Variants in SZT2 observed in about 807,000 individuals in gnomAD.
SZT2 encodes the protein KICSTOR complex protein SZT2.
SZT2 carries 216 observed loss-of-function variants against 404.2 expected under a neutral mutation model. That is an observed-to-expected ratio of 0.53 (90% CI 0.48 to 0.60). SZT2 has a LOEUF of 0.60. Ranked by LOEUF, SZT2 falls within the 20% of genes least tolerant of loss-of-function variation. The probability of loss-of-function intolerance (pLI) is 0.00; values close to 1 mark genes in which losing one functional copy is unlikely to be tolerated. For synonymous variants in SZT2, 1,693 were observed against 1,749.9 expected (o/e 0.97, Z 0.81); for missense variants, 3,857 against 4,459.2 (o/e 0.86, Z 3.85).
chr1:43,415,422 G>A (rs1469952701), intron 5 of SZT2, among the ~76,000 whole-genome samples: 1 of 152,184 alleles, frequency 6.6e-6, no homozygotes, highest in African/African-American at 2.4e-5. Flanking sequence ...GGGAAAAAAT[G>A]TGAAATCCAT....
chr1:43,416,526 C>G lies in SZT2; in HGVS notation c.773-9C>G, dbSNP rs1249886464. On this transcript the variant is annotated splice_polypyrimidine_tract_variant and intron_variant, in intron 6 of 71. Coordinates refer to ENST00000634258, the MANE Select transcript of SZT2 (RefSeq NM_001365999.1). ...GTCTCCAGGTCTGATCTGGTGTTTC[C>G]TGCTCCAGGGATTATCGTGATCACG... is the stretch of plus-strand genomic sequence containing the variant. 1.3e-6 allele frequency: 2 copies of G among 1,597,242 alleles called. No homozygotes were observed. Among genetic ancestry groups the G allele is most frequent in the Admixed American group, 1.7e-5 (1 of 59,932 alleles).
At chr1:43,447,287 G>A (rs1655790105) in intron 66 of SZT2, 119 bp downstream of exon 66, 1 of 1,215,926 alleles carries the variant, frequency 8.2e-7, no homozygotes, top group African/African-American at 1.5e-5. Context: ...ATCATCTCAT[G>A]TCACACATAC....
rs1335724698 is a variant in SZT2 at position 43,439,432 on chromosome 1, T to C, written c.6867T>C (p.Thr2289=). Residue 2289 remains threonine (T), a synonymous_variant, in exon 49 of 72, where the codon ACT becomes ACC. Transcript: ENST00000634258. The surrounding 1 kb of genome is among the most constrained non-coding windows in gnomAD (Gnocchi z 4.2). ...YLYNKPGGQG[T]GGKGVACITL... ...ATAACAAGCCTGGTGGACAGGGCAC[T>C]GGGGGCAAAGGTACGGTGCAGGGCA... is the stretch of plus-strand genomic sequence containing the variant. 5.0e-6 allele frequency: 8 copies of C among 1,611,898 alleles called. 1 individual carries two copies. In the South Asian group the frequency reaches 5.5e-5, roughly 11 times the overall value.
At chr1:43,399,655 G>A (rs1006534862) in intron 1 of SZT2, among the ~76,000 whole-genome samples, 1 of 151,934 alleles carries the variant, frequency 6.6e-6, no homozygotes, top group Non-Finnish European at 1.5e-5. Flanking sequence ...TAGAGACGGG[G>A]TTTCGCTGTG....
chr1:43,439,010 C>G lies in SZT2; in HGVS notation c.6709C>G (p.Leu2237Val). 6.2e-7 allele frequency: 1 copy of G among 1,614,236 alleles called. No homozygotes were observed. The highest frequency in any genetic ancestry group is 2.2e-5 in the East Asian group (1 of 44,886). ...PTSCRPWLPA[L>V]AWYLRQNLLI... is the part of the protein sequence containing the mutation. ...CTCCTGCAGGCCCTGGCTTCCAGCC[C>G]TGGCATGGTACCTACGGCAGAACTT... Residue 2237 changes from leucine to valine, a missense_variant, in exon 48 of 72, where the codon CTG (leucine) becomes GTG (valine). Transcript: ENST00000634258. This position sits in a 1 kb window ranked among gnomAD's most constrained non-coding sequence, Gnocchi z 4.2.
rs1457354824 is a variant in SZT2 at position 43,443,348 on chromosome 1, C to T, written c.8500-4C>T. 2.5e-6 allele frequency: 4 copies of T among 1,614,188 alleles called. No homozygotes were observed. The highest frequency in any genetic ancestry group is 3.4e-6 in the Non-Finnish European group (4 of 1,180,020). On this transcript the variant is annotated splice_region_variant and splice_polypyrimidine_tract_variant and intron_variant, in intron 60 of 71. Transcript: ENST00000634258. ...GCTCCATGCTCACTGCCCTGTTTCC[C>T]CAGGCTGGAGAGCTGGAGACCCTGA...
chr1:43,403,388 A>G (rs1343167610), intron 2 of SZT2, 86 bp downstream of exon 2: 2 of 1,531,608 alleles, frequency 1.3e-6, no homozygotes, highest in East Asian at 4.6e-5. Flanking sequence ...ACAGGGTGGG[A>G]GACTAACTCT....
Position 43,404,521 on chromosome 1 carries a change from T to C in SZT2, c.469T>C (p.Ser157Pro). 6.2e-7 allele frequency: 1 copy of C among 1,613,772 alleles called. No homozygotes were observed. Reference protein sequence around the residue: ...PEIYVTIQAYSSIIGLQSHQV... With the variant: ...PEIYVTIQAYPSIIGLQSHQV... The stretch of plus-strand genomic sequence containing the variant: ...GATCTATGTAACTATCCAGGCCTAC[T>C]CCTCCATCATTGGACTGCAGTCCCA... Residue 157 changes from serine to proline, a missense_variant, in exon 4 of 72, where the codon TCC (serine) becomes CCC (proline). Physicochemically the swap from Ser to Pro is moderately conservative, Grantham distance 74. This residue lies in a region of SZT2 where 536 missense variants were observed against 637.4 expected (regional missense o/e 0.84). Transcript: ENST00000634258.
In SZT2 at chr1:43,416,099, C is replaced by T. The variant is rs775100296; in HGVS notation, c.770C>T (p.Ala257Val). 6.3e-7 allele frequency: 1 copy of T among 1,598,130 alleles called. No individual in the cohort carries two copies. The highest frequency in any genetic ancestry group is 2.2e-5 in the East Asian group (1 of 44,858). Residue 257 changes from alanine to valine, a missense_variant and splice_region_variant, in exon 6 of 72, where the codon GCA (alanine) becomes GTA (valine). Ala to Val is a moderately conservative substitution (Grantham distance 64). Around this residue, in one of 7 missense-constraint regions of SZT2, gnomAD observed 536 missense variants for 637.4 expected, o/e 0.84. Coordinates refer to ENST00000634258, the MANE Select transcript of SZT2 (RefSeq NM_001365999.1). ...ALQLLPSNSS[A>V]GIIVITDGVT... ...CAGTTACTACCCTCGAACTCTAGTG[C>T]AGGTCAGTAGAAGGAATATTGGTGG... is the stretch of plus-strand genomic sequence containing the variant.
In SZT2 at chr1:43,441,010, A is replaced by G. The variant is rs1269824670; in HGVS notation, c.7345-204A>G. Among the ~76,000 whole-genome samples the G allele has an allele frequency of 6.6e-6, 1 of 152,190 alleles. No individual in the cohort carries two copies. The highest frequency in any genetic ancestry group is 2.4e-5 in the African/African-American group (1 of 41,436). On this transcript the variant is annotated intron_variant, in intron 52 of 71. Transcript: ENST00000634258. The surrounding 1 kb of genome is among the most constrained non-coding windows in gnomAD (Gnocchi z 4.8). ...TGTCGGATCCTCACAACAGCTTGCA[A>G]GATAAGTAGAGCTTTTACAGTGAGG...
intron 70 of SZT2, chr1:43,449,336 C>T (rs991923196): frequency 1.2e-5 from 2 of 160,812 alleles, no homozygotes; most frequent in African/African-American, 4.8e-5. Flanking sequence ...CAAGAGAAGA[C>T]TTCAAGTGAG....
chr1:43,413,095 T>A (rs964722874), intron 4 of SZT2, among the ~76,000 whole-genome samples: 1 of 152,224 alleles, frequency 6.6e-6, no homozygotes, highest in Non-Finnish European at 1.5e-5. Flanking sequence ...AAGAACAGTT[T>A]GGAGGTTCCT....
intron 1 of SZT2, among the ~76,000 whole-genome samples, chr1:43,398,239 G>C (rs1649236141): frequency 6.6e-6 from 1 of 152,204 alleles, no homozygotes; most frequent in South Asian, 2.1e-4. Flanking sequence ...TAAATGTCCA[G>C]TTTGCCGTGC....
Position 43,432,266 on chromosome 1 carries a change from C to T in SZT2, c.5275-6C>T, listed in dbSNP as rs559579948. 3.9e-6 allele frequency: 6 copies of T among 1,544,050 alleles called. No homozygotes were observed. The Admixed American group carries it at 6.2e-5, about 16-fold the overall frequency. ...CTAAACTGTGATCTTGGCTCCTGCT[C>T]TCTAGGAGTTCCGCCGCCTCCATCT... On this transcript the variant is annotated splice_region_variant and splice_polypyrimidine_tract_variant and intron_variant, in intron 36 of 71. Transcript: ENST00000634258.
Position 43,424,750 on chromosome 1 carries a change from T to C in SZT2, c.2472-34T>C, listed in dbSNP as rs1652937091. 1.9e-6 allele frequency: 3 copies of C among 1,590,470 alleles called. No individual in the cohort carries two copies. Among genetic ancestry groups the C allele is most frequent in the Middle Eastern group, 1.7e-4 (1 of 5,970 alleles). On this transcript the variant is annotated intron_variant, in intron 16 of 71. Coordinates refer to ENST00000634258, the MANE Select transcript of SZT2 (RefSeq NM_001365999.1). This position sits in a 1 kb window ranked among gnomAD's most constrained non-coding sequence, Gnocchi z 4.1. ...AGTCTCAGTGTCTCTTCTTCCCTTA[T>C]CCTGGCCTTGCCCCGGCCTTTATGG...
chr1:43,422,959 G>T, intron 14 of SZT2, 76 bp downstream of exon 14: 1 of 1,500,798 alleles, frequency 6.7e-7, no homozygotes, highest in Non-Finnish European at 9.0e-7. Context: ...AACCCCACAG[G>T]GCCAGGTCTA....
At chr1:43,423,385 G>C in intron 15 of SZT2, 69 bp downstream of exon 15, 1 of 1,424,682 alleles carries the variant, frequency 7.0e-7, no homozygotes, top group Middle Eastern at 2.4e-4. Context: ...GGAGGGCATG[G>C]CTTAGCCCGG....
rs980459888 is a variant in SZT2, at chr1:43,448,641, G to A, written c.9999G>A (p.Trp3333Ter). 14 of 1,614,036 alleles carry A rather than the reference G, an allele frequency of 8.7e-6. No homozygotes were observed. Among genetic ancestry groups the A allele is most frequent in the Non-Finnish European group, 1.2e-5 (14 of 1,180,034 alleles). Residue 3333 changes from tryptophan to a stop codon, truncating the protein, a stop_gained, in exon 70 of 72, where the codon TGG becomes TGA. Transcript: ENST00000634258. LOFTEE classifies it high-confidence loss of function. The surrounding 1 kb of genome is among the most constrained non-coding windows in gnomAD (Gnocchi z 4.2). ...GCTTCCTATCCATGACGGTCTCCTG[G>A]TACCAGAGCCTGATCAAAGTTCTCC... ...LDCFLSMTVS[W>*]YQSLIKVLLS...
At chr1:43,409,940 C>G (rs1477476315) in intron 4 of SZT2, 1 of 152,156 alleles carries the variant, frequency 6.6e-6, no homozygotes, top group East Asian at 1.9e-4. Context: ...CACAAAAGAC[C>G]CAGAATAGCC....
Sources: allele counts gnomAD v4.1 joint callset (sites outside exome capture counted in the v4.1 genomes callset), GRCh38; gene constraint gnomAD v4.1.1; regional missense constraint gnomAD v4.1.1; non-coding constraint Gnocchi (gnomAD v3.1); transcripts MANE v1.5; gene names NCBI Gene and HGNC (gene_info 2026-07-23, HGNC 2026-07-21).